The following BFSP2 variants were observed in gnomAD, a reference collection of about 807,000 sequenced individuals.
BFSP2 encodes beaded filament structural protein 2.
A neutral mutation model predicts 44.9 loss-of-function variants in BFSP2; 38 were observed. That is an observed-to-expected ratio of 0.85 (90% CI 0.65 to 1.11). BFSP2 has a LOEUF of 1.11. Among genes scored for constraint, BFSP2 ranks in the 50% least tolerant of loss-of-function variants. The pLI, the probability that BFSP2 is intolerant of heterozygous loss-of-function variation, is 0.00. For synonymous variants in BFSP2, 197 were observed against 209.9 expected (o/e 0.94, Z 0.53); for missense variants, 525 against 533.0 (o/e 0.99, Z 0.15).
chr3:133,420,210 G>C (rs570474840), intron 1 of BFSP2, among the ~76,000 whole-genome samples: 48 of 152,364 alleles, frequency 3.2e-4, no homozygotes, highest in African/African-American at 1.2e-3. Flanking sequence ...GGAGTTGGGA[G>C]GGGCTTGTTA....
chr3:133,416,605 C>T (rs1363293493), intron 1 of BFSP2, among the ~76,000 whole-genome samples: 8 of 118,018 alleles, frequency 6.8e-5, no homozygotes, highest in Non-Finnish European at 1.1e-4. Flanking sequence ...CTCACCCCTG[C>T]CATCTCCCCT....
chr3:133,432,158 T>C (rs577886320), intron 1 of BFSP2, among the ~76,000 whole-genome samples: 6 of 152,216 alleles, frequency 3.9e-5, no homozygotes, highest in Non-Finnish European at 7.3e-5. Flanking sequence ...ATCACTCGCC[T>C]GCTACAGCAT....
Position 133,410,684 on chromosome 3 carries a change from C to T in BFSP2, c.489+10112C>T, listed in dbSNP as rs1169253780. ...CTATTGCCTGTGTGCAGCCCGTGGG[C>T]GGACAGGAGTCCGTGGGCGGACAGG... On this transcript the variant is annotated intron_variant, in intron 1 of 6. Coordinates refer to ENST00000302334, the MANE Select transcript of BFSP2 (RefSeq NM_003571.4). The T allele has an allele frequency of 1.9e-5, 5 of 257,370 alleles. No individual in the cohort carries two copies. The East Asian group carries it at 4.2e-4, about 22-fold the overall frequency. 15.9% of individuals were successfully genotyped at this position (257,370 alleles called of 1,614,324 possible). A position where few individuals can be genotyped will look rare whatever the true frequency, so the allele number is the denominator to read the frequency against.
chr3:133,403,339 T>C (rs1056196024), intron 1 of BFSP2, among the ~76,000 whole-genome samples: 4 of 152,098 alleles, frequency 2.6e-5, no homozygotes, highest in African/African-American at 9.7e-5. Flanking sequence ...CTCCTGTTTC[T>C]CCACCTGCAG....
chr3:133,432,354 C>T (rs962505814), intron 1 of BFSP2, among the ~76,000 whole-genome samples: 3 of 152,144 alleles, frequency 2.0e-5, no homozygotes, highest in East Asian at 3.8e-4. Context: ...CTCACTATTC[C>T]GTTCTTGATC....
intron 5 of BFSP2, 36 bp from the exon 6 acceptor site, chr3:133,472,309 T>G (rs1291819853): frequency 3.1e-6 from 5 of 1,587,704 alleles, no homozygotes; most frequent in Non-Finnish European, 4.3e-6. Flanking sequence ...CCCGGCCTGT[T>G]GTCCTCGGGT....
chr3:133,435,631 G>A lies in BFSP2; in HGVS notation c.490-11686G>A, dbSNP rs141319545. 1.6e-4 allele frequency among the ~76,000 whole-genome samples: 25 copies of A among 152,206 alleles called. No homozygotes were observed. In the East Asian group the frequency reaches 4.0e-3, roughly 25 times the overall value. Reference sequence around the variant, plus strand: ...AAAGTTCGCTTAACTTTAATTTTTCGGTCAGAATTGTGTAAGCTGAACCAA... The same window carrying A: ...AAAGTTCGCTTAACTTTAATTTTTCAGTCAGAATTGTGTAAGCTGAACCAA... On this transcript the variant is annotated intron_variant, in intron 1 of 6. Coordinates refer to ENST00000302334, the MANE Select transcript of BFSP2 (RefSeq NM_003571.4).
At chr3:133,466,181 C>T (rs2074107832) in intron 4 of BFSP2, among the ~76,000 whole-genome samples, 1 of 151,524 alleles carries the variant, frequency 6.6e-6, no homozygotes. Flanking sequence ...GGGGGCAATA[C>T]ATATTTATTT....
At chr3:133,445,360 T>A (rs2073887844) in intron 1 of BFSP2, 1 of 152,318 alleles carries the variant, frequency 6.6e-6, no homozygotes, top group Non-Finnish European at 1.5e-5. Context: ...GTATGCATCA[T>A]AAGCCCCTGG....
intron 4 of BFSP2, among the ~76,000 whole-genome samples, chr3:133,464,709 A>C (rs1307444338): frequency 6.6e-6 from 1 of 152,178 alleles, no homozygotes; most frequent in Non-Finnish European, 1.5e-5. Context: ...CAGCATGCTT[A>C]ATCTGCTGGA....
intron 1 of BFSP2, among the ~76,000 whole-genome samples, chr3:133,402,260 G>T (rs2073368376): frequency 6.6e-6 from 1 of 152,196 alleles, no homozygotes; most frequent in African/African-American, 2.4e-5. Context: ...ATACTCAATA[G>T]ATACTGACTT....
chr3:133,451,947 G>A (rs1018296077), intron 4 of BFSP2, among the ~76,000 whole-genome samples: 15 of 152,194 alleles, frequency 9.9e-5, no homozygotes, highest in Admixed American at 4.6e-4. Flanking sequence ...GAAAAGTAGA[G>A]AAAATAAGGT....
intron 1 of BFSP2, among the ~76,000 whole-genome samples, chr3:133,405,109 G>A (rs1159031691): frequency 1.3e-5 from 2 of 152,184 alleles, no homozygotes; most frequent in Admixed American, 6.5e-5. Flanking sequence ...AAAGGAGAGT[G>A]GGGTCAGAGG....
Position 133,402,291 on chromosome 3 carries a change from C to T in BFSP2, c.489+1719C>T, listed in dbSNP as rs533866722. Among the ~76,000 whole-genome samples the T allele has an allele frequency of 6.6e-5, 10 of 152,336 alleles. No individual in the cohort carries two copies. The South Asian group carries it at 1.9e-3, about 28-fold the overall frequency. ...GACTTGTTCTGGCTCCAGATAGCTA[C>T]AAGAGCCTTTGCAACTTACTAACTT... On this transcript the variant is annotated intron_variant, in intron 1 of 6. Transcript: ENST00000302334.
intron 1 of BFSP2, among the ~76,000 whole-genome samples, chr3:133,432,114 C>T (rs1451388192): frequency 6.6e-6 from 1 of 152,170 alleles, no homozygotes; most frequent in Non-Finnish European, 1.5e-5. Flanking sequence ...AATGTCCCAT[C>T]CCACAGCACG....
At chr3:133,427,886 T>C (rs980667305) in intron 1 of BFSP2, among the ~76,000 whole-genome samples, 7 of 152,214 alleles carry the variant, frequency 4.6e-5, no homozygotes, top group African/African-American at 1.7e-4. Context: ...TATGCCAGAA[T>C]TTGTTCTGAG....
intron 1 of BFSP2, among the ~76,000 whole-genome samples, chr3:133,443,286 A>G (rs915974988): frequency 2.0e-5 from 3 of 152,240 alleles, no homozygotes; most frequent in African/African-American, 7.2e-5. Context: ...TGAGATAGAC[A>G]TTTAAATGTG....
chr3:133,415,085 C>T (rs1396934923), intron 1 of BFSP2, among the ~76,000 whole-genome samples: 1 of 141,070 alleles, frequency 7.1e-6, no homozygotes, highest in Non-Finnish European at 1.5e-5. Flanking sequence ...TGCCCCAGTC[C>T]TCTCCCCTCT....
chr3:133,437,351 C>G (rs1433614924), intron 1 of BFSP2, among the ~76,000 whole-genome samples: 1 of 152,118 alleles, frequency 6.6e-6, no homozygotes, highest in Admixed American at 6.5e-5. Context: ...TGGAGAAACC[C>G]TGTCTCTACT....
Sources: gnomAD v4.1 joint callset for allele counts (sites outside exome capture counted in the v4.1 genomes callset) on GRCh38, gnomAD v4.1.1 for gene constraint, MANE v1.5 for transcripts, NCBI Gene and HGNC (gene_info 2026-07-23, HGNC 2026-07-21) for gene names.